Variants in SORCS1 observed in about 807,000 individuals in gnomAD.
The protein encoded by SORCS1 is VPS10 domain-containing receptor SorCS1.
SORCS1 carries 60 observed loss-of-function variants against 146.1 expected under a neutral mutation model. That is an observed-to-expected ratio of 0.41 (90% CI 0.33 to 0.51). The LOEUF (loss-of-function observed/expected upper bound fraction) is 0.51, where lower values mean the gene tolerates loss of function less well. SORCS1 is among the 20% of genes least tolerant of loss of function. The pLI is 0.21. For synonymous variants in SORCS1, 637 were observed against 584.0 expected, an observed-to-expected ratio of 1.09 and a Z score of -1.31; for missense variants, 1,352 against 1,487.6, an observed-to-expected ratio of 0.91 and a Z score of 1.50.
chr10:106,765,783 A>C (rs1859522492), intron 4 of SORCS1, among the ~76,000 whole-genome samples: 1 of 151,906 alleles, frequency 6.6e-6, no homozygotes, highest in African/African-American at 2.4e-5. Context: ...ACTAGATAAG[A>C]AATTCAACTC....
chr10:106,709,809 A>G (rs1249801824), intron 6 of SORCS1, among the ~76,000 whole-genome samples: 1 of 152,086 alleles, frequency 6.6e-6, no homozygotes, highest in Non-Finnish European at 1.5e-5. Flanking sequence ...TGTCATTGTT[A>G]TTATTATTTA....
At chr10:106,835,132 A>G (rs980721254) in intron 2 of SORCS1, among the ~76,000 whole-genome samples, 1 of 152,222 alleles carries the variant, frequency 6.6e-6, no homozygotes, top group Non-Finnish European at 1.5e-5. Flanking sequence ...CCCGCCTTCC[A>G]AGAGGTTATT....
the SORCS1 span, among the ~76,000 whole-genome samples, chr10:107,171,705 G>A: frequency 5.1e-4 from 77 of 151,890 alleles, 1 homozygote; most frequent in East Asian, 3.5e-3. Flanking sequence ...TAGTAGAGAC[G>A]GGGTTTCACC....
intron 3 of SORCS1, among the ~76,000 whole-genome samples, chr10:106,828,082 C>A: frequency 6.6e-6 from 1 of 152,228 alleles, no homozygotes; most frequent in Middle Eastern, 3.2e-3. Flanking sequence ...ATAATCCTTA[C>A]AACTTCCCAC....
chr10:107,164,072 C>A lies in SORCS1; in HGVS notation c.455G>T (p.Arg152Leu). Residue 152 changes from arginine to leucine, a missense_variant, in exon 1 of 26, where the codon CGC becomes CTC. By Grantham distance (102) the Arg-to-Leu change is moderately radical (BLOSUM62 -2). Around this residue, in one of 3 missense-constraint regions of SORCS1, gnomAD observed 490 missense variants for 489.1 expected, o/e 1.00. Transcript: ENST00000263054. This position sits in a 1 kb window ranked among gnomAD's most constrained non-coding sequence, Gnocchi z 6.8. The stretch of plus-strand genomic sequence containing the variant: ...CAGTCTCAGCTCCTCCATCCGGAAG[C>A]GGGTGGCTTTGTCCGGGTCCCGCTC... Reference protein sequence around the residue: ...TRERDPDKATRFRMEELRLTS... With the variant: ...TRERDPDKATLFRMEELRLTS... The A allele has an allele frequency of 1.2e-6, 2 of 1,613,924 alleles. No individual in the cohort carries two copies. The highest frequency in any genetic ancestry group is 1.7e-6 in the Non-Finnish European group (2 of 1,180,010).
intron 2 of SORCS1, among the ~76,000 whole-genome samples, chr10:106,840,863 A>ATAT (rs1332839160): frequency 4.4e-4 from 55 of 124,154 alleles, no homozygotes; most frequent in African/African-American, 1.5e-3. Flanking sequence ...ATATATATAT[A>ATAT]TTTTTTTTTT....
chr10:107,075,436 C>A (rs1453260619), intron 1 of SORCS1, among the ~76,000 whole-genome samples: 1 of 152,088 alleles, frequency 6.6e-6, no homozygotes, highest in African/African-American at 2.4e-5. Context: ...AAGTTGACAT[C>A]AACACTTTCA....
At chr10:106,923,785 C>A (rs140268181) in intron 2 of SORCS1, among the ~76,000 whole-genome samples, 30 of 152,198 alleles carry the variant, frequency 2.0e-4, no homozygotes, top group African/African-American at 7.2e-4. Context: ...AGATCTTTTG[C>A]CCGTTTTTGT....
At chr10:107,088,388 C>A (rs1963927060) in intron 1 of SORCS1, among the ~76,000 whole-genome samples, 1 of 152,174 alleles carries the variant, frequency 6.6e-6, no homozygotes, top group Admixed American at 6.5e-5. Context: ...AGCTTTTACT[C>A]AATGCACTGC....
chr10:106,694,520 T>C (rs1312498324), intron 9 of SORCS1, among the ~76,000 whole-genome samples: 4 of 152,208 alleles, frequency 2.6e-5, no homozygotes, highest in Admixed American at 6.5e-5. Context: ...GTGCTGGGAT[T>C]ACAAGCATGA....
intron 9 of SORCS1, among the ~76,000 whole-genome samples, chr10:106,694,962 C>A (rs907866828): frequency 6.6e-6 from 1 of 152,276 alleles, no homozygotes; most frequent in African/African-American, 2.4e-5. Flanking sequence ...ACCATCCAAA[C>A]CTGTCAGGCT....
At chr10:106,587,030 G>A (rs1268318100) in intron 24 of SORCS1, among the ~76,000 whole-genome samples, 1 of 152,060 alleles carries the variant, frequency 6.6e-6, no homozygotes, top group Non-Finnish European at 1.5e-5. Context: ...TCATATTGCG[G>A]GGAGGGATAT....
intron 2 of SORCS1, among the ~76,000 whole-genome samples, chr10:106,859,182 A>T (rs1949910585): frequency 6.6e-6 from 1 of 152,074 alleles, no homozygotes. Flanking sequence ...CAGGGATGCC[A>T]CTCCTGACCA....
intron 14 of SORCS1, 96 bp from the exon 15 acceptor site, chr10:106,673,081 G>T: frequency 3.4e-6 from 3 of 872,442 alleles, no homozygotes; most frequent in Non-Finnish European, 5.4e-6. Flanking sequence ...CCTGAGCTAA[G>T]CACATTACAT....
intron 1 of SORCS1, among the ~76,000 whole-genome samples, chr10:107,043,805 C>A (rs1383125207): frequency 2.0e-5 from 3 of 152,172 alleles, no homozygotes; most frequent in Non-Finnish European, 2.9e-5. Context: ...TAATGCCTGT[C>A]TACCCCACTA....
intron 5 of SORCS1, among the ~76,000 whole-genome samples, chr10:106,753,655 T>A (rs1858423283): frequency 6.6e-6 from 1 of 151,596 alleles, no homozygotes. Context: ...GGAGAAAATT[T>A]GGGGCAGCGA....
chr10:106,826,796 A>G (rs1015833798), intron 3 of SORCS1, among the ~76,000 whole-genome samples: 2 of 152,168 alleles, frequency 1.3e-5, no homozygotes, highest in Non-Finnish European at 2.9e-5. Context: ...CACTCATAAC[A>G]TTGTGATTTA....
At chr10:106,658,876 C>A (rs1292986038) in intron 17 of SORCS1, among the ~76,000 whole-genome samples, 4 of 152,112 alleles carry the variant, frequency 2.6e-5, no homozygotes, top group Non-Finnish European at 4.4e-5. Context: ...GTGGTGGCAG[C>A]CTAGATTTCC....
chr10:106,612,318 C>G (rs888673532), intron 21 of SORCS1, among the ~76,000 whole-genome samples: 6 of 145,982 alleles, frequency 4.1e-5, no homozygotes, highest in Non-Finnish European at 7.5e-5. Flanking sequence ...AGGAGACCAC[C>G]CCCCCAGACT....
Sources: gnomAD v4.1 joint callset for allele counts (sites outside exome capture counted in the v4.1 genomes callset) on GRCh38, gnomAD v4.1.1 for gene constraint, gnomAD v4.1.1 regional missense constraint, Gnocchi (gnomAD v3.1) non-coding constraint, MANE v1.5 for transcripts, NCBI Gene and HGNC (gene_info 2026-07-23, HGNC 2026-07-21) for gene names.